Variants in RBFOX3 observed in about 807,000 individuals in gnomAD.
RBFOX3 encodes the protein RNA binding protein fox-1 homolog 3.
In RBFOX3, 17 loss-of-function variants were observed where a neutral mutation model predicts 48.7. That is an observed-to-expected ratio of 0.35 (90% CI 0.24 to 0.52). The LOEUF (loss-of-function observed/expected upper bound fraction) is 0.52. Ranked by LOEUF, RBFOX3 falls within the 20% of genes least tolerant of loss-of-function variation. RBFOX3 has a pLI of 0.94. For synonymous variants in RBFOX3, 212 were observed against 209.5 expected (o/e 1.01, Z -0.10); for missense variants, 382 against 497.5 (o/e 0.77, Z 2.21).
chr17:79,166,534 G>C (rs1255006617), intron 4 of RBFOX3, among the ~76,000 whole-genome samples: 2 of 152,204 alleles, frequency 1.3e-5, no homozygotes. Context: ...AGGGGGCTTC[G>C]GAAGGGTCCC....
At chr17:79,485,990 G>A (rs1395430766) in intron 1 of RBFOX3, among the ~76,000 whole-genome samples, 2 of 152,268 alleles carry the variant, frequency 1.3e-5, no homozygotes, top group Non-Finnish European at 2.9e-5. Flanking sequence ...GCAGAACACG[G>A]GCCTATGGCC....
intron 2 of RBFOX3, among the ~76,000 whole-genome samples, chr17:79,353,674 C>T (rs1446535970): frequency 6.6e-6 from 1 of 152,188 alleles, no homozygotes; most frequent in Non-Finnish European, 1.5e-5. Flanking sequence ...CAGAAAGCTG[C>T]GTGTCTTCTG....
chr17:79,261,695 G>C (rs2065807556), intron 3 of RBFOX3, among the ~76,000 whole-genome samples: 1 of 152,212 alleles, frequency 6.6e-6, no homozygotes, highest in South Asian at 2.1e-4. Context: ...CACACAGGCG[G>C]GTGGGCGGCA....
chr17:79,154,632 A>G (rs895883864), intron 4 of RBFOX3, among the ~76,000 whole-genome samples: 1 of 152,150 alleles, frequency 6.6e-6, no homozygotes, highest in Non-Finnish European at 1.5e-5. Flanking sequence ...ACGAGCCAGT[A>G]TTTGGCTGGG....
intron 3 of RBFOX3, among the ~76,000 whole-genome samples, chr17:79,273,946 C>T (rs1270354646): frequency 2.6e-5 from 4 of 152,196 alleles, no homozygotes; most frequent in Admixed American, 1.3e-4. Flanking sequence ...CCTGCAGGCA[C>T]AACTCTTCCA....
At chr17:79,101,313 C>G (rs1779930681) in intron 9 of RBFOX3, among the ~76,000 whole-genome samples, 1 of 152,226 alleles carries the variant, frequency 6.6e-6, no homozygotes, top group South Asian at 2.1e-4. Flanking sequence ...CGTGTGGCCT[C>G]TGGGGGCCAG....
At chr17:79,209,421 G>A (rs1328653796) in intron 4 of RBFOX3, among the ~76,000 whole-genome samples, 4 of 152,330 alleles carry the variant, frequency 2.6e-5, no homozygotes, top group East Asian at 1.9e-4. Flanking sequence ...AGAGGCACTC[G>A]GGACACACCC....
chr17:79,584,550 A>ATGTGTG (rs1183852264), intron 1 of RBFOX3, among the ~76,000 whole-genome samples: 9 of 150,052 alleles, frequency 6.0e-5, no homozygotes, highest in South Asian at 4.2e-4. Context: ...ATGTGTGTGT[A>ATGTGTG]TGTGTGTGTG....
In RBFOX3 at chr17:79,199,338, C is replaced by T. The variant is rs1567828450; in HGVS notation, c.-34+36428G>A. Among the ~76,000 whole-genome samples the T allele has an allele frequency of 6.6e-6, 1 of 152,216 alleles. No individual in the cohort carries two copies. Among genetic ancestry groups the T allele is most frequent in the Non-Finnish European group, 1.5e-5 (1 of 68,024 alleles). Reference sequence around the variant, plus strand: ...GGCTCTCATTCATCCTGCCCTTCTTCTTCCAGCAGGTGGGAGGGTCAGACT... The same window carrying T: ...GGCTCTCATTCATCCTGCCCTTCTTTTTCCAGCAGGTGGGAGGGTCAGACT... On this transcript the variant is annotated intron_variant, in intron 4 of 14. Coordinates refer to ENST00000693108, the MANE Select transcript of RBFOX3 (RefSeq NM_001350451.2). This position sits in a 1 kb window ranked among gnomAD's most constrained non-coding sequence, Gnocchi z 5.1.
At chr17:79,649,183 T>C in the RBFOX3 span, among the ~76,000 whole-genome samples, 1 of 152,106 alleles carries the variant, frequency 6.6e-6, no homozygotes, top group Non-Finnish European at 1.5e-5. Context: ...GTCTTGATGA[T>C]TGCCCAGGCT....
chr17:79,215,724 C>T (rs956546020), intron 4 of RBFOX3, among the ~76,000 whole-genome samples: 3 of 152,244 alleles, frequency 2.0e-5, no homozygotes, highest in Admixed American at 6.5e-5. Context: ...GGAGCGTATC[C>T]CCCAGGCTTG....
At chr17:79,244,160 A>G (rs1216675470) in intron 3 of RBFOX3, among the ~76,000 whole-genome samples, 1 of 152,212 alleles carries the variant, frequency 6.6e-6, no homozygotes, top group Non-Finnish European at 1.5e-5. Flanking sequence ...ATAGTGGAAC[A>G]GACTGGGCCC....
intron 4 of RBFOX3, among the ~76,000 whole-genome samples, chr17:79,174,813 T>C (rs2050181920): frequency 6.6e-6 from 1 of 152,242 alleles, no homozygotes; most frequent in Non-Finnish European, 1.5e-5. Context: ...CAGGTGACGT[T>C]TGTCTAAGTG....
intron 3 of RBFOX3, among the ~76,000 whole-genome samples, chr17:79,304,732 G>C (rs949196310): frequency 6.6e-6 from 1 of 152,212 alleles, no homozygotes; most frequent in African/African-American, 2.4e-5. Context: ...GGGGAGAAAA[G>C]ATGATGGGAT....
At chr17:79,532,543 G>A (rs2087962268) in intron 1 of RBFOX3, among the ~76,000 whole-genome samples, 1 of 152,198 alleles carries the variant, frequency 6.6e-6, no homozygotes, top group African/African-American at 2.4e-5. Context: ...CTGGAGGAGT[G>A]GAAGTAACCG....
the RBFOX3 span, among the ~76,000 whole-genome samples, chr17:79,619,331 G>A: frequency 1.3e-5 from 2 of 152,172 alleles, no homozygotes; most frequent in African/African-American, 4.8e-5. Flanking sequence ...CTGGAGGCCA[G>A]GTGTTTGAAA....
At chr17:79,524,486 T>C (rs1329416041) in intron 1 of RBFOX3, among the ~76,000 whole-genome samples, 1 of 152,182 alleles carries the variant, frequency 6.6e-6, no homozygotes, top group African/African-American at 2.4e-5. Context: ...TTAGGCTAGC[T>C]CTGGGATTTC....
At chr17:79,320,416 C>G (rs986208132) in intron 2 of RBFOX3, among the ~76,000 whole-genome samples, 1 of 152,240 alleles carries the variant, frequency 6.6e-6, no homozygotes, top group African/African-American at 2.4e-5. Context: ...ACTTGGGGCA[C>G]AGACTGGAGA....
At chr17:79,485,933 T>C (rs2079524363) in intron 1 of RBFOX3, among the ~76,000 whole-genome samples, 1 of 152,240 alleles carries the variant, frequency 6.6e-6, no homozygotes, top group African/African-American at 2.4e-5. Flanking sequence ...TGTAATGGCA[T>C]GTTTTTCCCC....
Sources: allele counts gnomAD v4.1 joint callset (sites outside exome capture counted in the v4.1 genomes callset), GRCh38; gene constraint gnomAD v4.1.1; non-coding constraint Gnocchi (gnomAD v3.1); transcripts MANE v1.5; gene names NCBI Gene and HGNC (gene_info 2026-07-23, HGNC 2026-07-21).